The following DTWD2 variants were observed in gnomAD, a reference collection of about 807,000 sequenced individuals.
DTWD2 encodes tRNA-uridine aminocarboxypropyltransferase 2.
Under a neutral mutation model 31.8 loss-of-function variants are expected in DTWD2, and 39 were observed. The ratio of observed to expected loss-of-function variants is 1.22; its 90% CI spans 0.95 to 1.60. DTWD2 has a LOEUF of 1.60. Among genes scored for constraint, DTWD2 ranks in the 40% most tolerant of loss-of-function variants. The pLI is 0.00. For missense variants in DTWD2, 515 were observed against 381.5 expected (o/e 1.35, Z -2.92); for synonymous variants, 180 against 142.8 (o/e 1.26, Z -1.86).
At chr5:118,942,810 GT>G (rs567819155) in intron 2 of DTWD2, among the ~76,000 whole-genome samples, 5 of 148,418 alleles carry the variant, frequency 3.4e-5, no homozygotes, top group East Asian at 3.9e-4. Flanking sequence ...GGTGTGGGTT[GT>G]TTTTTTTTTA....
intron 1 of DTWD2, among the ~76,000 whole-genome samples, chr5:118,957,013 C>A (rs1754602013): frequency 1.3e-5 from 2 of 151,922 alleles, no homozygotes; most frequent in Non-Finnish European, 2.9e-5. Context: ...TCCAACATAA[C>A]CAATAAAAGT....
At chr5:118,974,106 A>C in intron 1 of DTWD2, 1 of 1,592,814 alleles carries the variant, frequency 6.3e-7, no homozygotes, top group Non-Finnish European at 8.6e-7. Flanking sequence ...AAGAAGCAGA[A>C]GACCGACGAG....
chr5:118,874,991 A>T (rs1335528815), intron 4 of DTWD2, among the ~76,000 whole-genome samples: 1 of 152,182 alleles, frequency 6.6e-6, no homozygotes, highest in South Asian at 2.1e-4. Context: ...TACAAAGAGA[A>T]ACCCATCAGA....
At chr5:118,952,427 A>G (rs890577461) in intron 1 of DTWD2, among the ~76,000 whole-genome samples, 11 of 152,102 alleles carry the variant, frequency 7.2e-5, no homozygotes, top group African/African-American at 2.7e-4. Context: ...GGAGTTGGGT[A>G]GGTAGTGGAA....
chr5:118,906,291 G>C (rs1333672646), intron 4 of DTWD2, among the ~76,000 whole-genome samples: 1 of 152,120 alleles, frequency 6.6e-6, no homozygotes, highest in Non-Finnish European at 1.5e-5. Flanking sequence ...AAACAGTTTG[G>C]TTTGTTAAAG....
At chr5:118,885,997 AC>A (rs1229473056) in intron 4 of DTWD2, among the ~76,000 whole-genome samples, 1 of 152,052 alleles carries the variant, frequency 6.6e-6, no homozygotes, top group Non-Finnish European at 1.5e-5. Context: ...ACACAAAAAA[AC>A]TTTCCTAATC....
At chr5:118,885,767 TA>T (rs985666941) in intron 4 of DTWD2, among the ~76,000 whole-genome samples, 60 of 144,866 alleles carry the variant, frequency 4.1e-4, no homozygotes, top group East Asian at 7.9e-4. Context: ...ACTCTGTATT[TA>T]AAAAAAAAAA....
chr5:118,850,546 C>T (rs539924206), intron 4 of DTWD2, among the ~76,000 whole-genome samples: 3 of 143,374 alleles, frequency 2.1e-5, no homozygotes, highest in South Asian at 2.2e-4. Flanking sequence ...AAATGTAAGG[C>T]CAAGGACTAT....
chr5:118,978,592 G>A (rs556634904), intron 1 of DTWD2, among the ~76,000 whole-genome samples: 1 of 152,144 alleles, frequency 6.6e-6, no homozygotes, highest in Non-Finnish European at 1.5e-5. Context: ...CTTCTCAAAA[G>A]AAGACATTCA....
intron 1 of DTWD2, among the ~76,000 whole-genome samples, chr5:118,981,958 G>A (rs1300175819): frequency 6.6e-6 from 1 of 152,098 alleles, no homozygotes; most frequent in Non-Finnish European, 1.5e-5. Flanking sequence ...ATGTGGTGTA[G>A]CAATAATTCA....
At chr5:118,963,230 T>C (rs909680149) in intron 1 of DTWD2, among the ~76,000 whole-genome samples, 1 of 152,210 alleles carries the variant, frequency 6.6e-6, no homozygotes, top group Non-Finnish European at 1.5e-5. Flanking sequence ...GAAGAAACTA[T>C]TCAAACTTGG....
At chr5:118,915,152 G>C (rs1322620091) in intron 4 of DTWD2, among the ~76,000 whole-genome samples, 1 of 151,948 alleles carries the variant, frequency 6.6e-6, no homozygotes, top group African/African-American at 2.4e-5. Context: ...AGGAGGCAGG[G>C]GTTGCAGTGA....
intron 2 of DTWD2, among the ~76,000 whole-genome samples, chr5:118,943,996 T>C (rs991529853): frequency 7.9e-5 from 12 of 152,254 alleles, no homozygotes; most frequent in Admixed American, 7.2e-4. Flanking sequence ...CTCTTCATTA[T>C]GCAGCTAATC....
intron 1 of DTWD2, among the ~76,000 whole-genome samples, chr5:118,965,474 G>A (rs971198566): frequency 4.6e-5 from 7 of 152,170 alleles, no homozygotes; most frequent in East Asian, 3.9e-4. Flanking sequence ...CGGTTTTGTC[G>A]AATACAAAAG....
At chr5:118,883,371 C>T (rs538453533) in intron 4 of DTWD2, among the ~76,000 whole-genome samples, 2 of 152,300 alleles carry the variant, frequency 1.3e-5, no homozygotes, top group East Asian at 1.9e-4. Context: ...TTTTTCTGAG[C>T]CCTCCAAACT....
At chr5:118,943,289 C>T (rs572206036) in intron 2 of DTWD2, among the ~76,000 whole-genome samples, 5 of 152,166 alleles carry the variant, frequency 3.3e-5, no homozygotes, top group Admixed American at 6.5e-5. Context: ...CGGTGGCTCA[C>T]GCCTGTAATC....
At chr5:118,930,663 A>T (rs962151408) in intron 3 of DTWD2, among the ~76,000 whole-genome samples, 1 of 152,256 alleles carries the variant, frequency 6.6e-6, no homozygotes, top group African/African-American at 2.4e-5. Flanking sequence ...CACAAAAAGA[A>T]ATTAAGTACT....
chr5:118,865,402 C>T lies in DTWD2; in HGVS notation c.598-17184G>A, dbSNP rs73236949. Among the ~76,000 whole-genome samples, 1,143 of 151,808 alleles carry T rather than the reference C, an allele frequency of 7.5e-3. 14 individuals carry two copies. Among genetic ancestry groups the T allele is most frequent in the African/African-American group, 0.026 (1,084 of 41,380 alleles). On this transcript the variant is annotated intron_variant, in intron 4 of 5. Coordinates refer to ENST00000510708, the MANE Select transcript of DTWD2 (RefSeq NM_173666.4). ...TTCTATCTTTACTTTCCCTTCAGTTCGTTCCTAAATATACTATATACCAAA... is the reference window on the plus strand; with the variant it reads ...TTCTATCTTTACTTTCCCTTCAGTTTGTTCCTAAATATACTATATACCAAA...
chr5:118,953,304 T>C (rs1754506779), intron 1 of DTWD2, among the ~76,000 whole-genome samples: 1 of 152,226 alleles, frequency 6.6e-6, no homozygotes, highest in Non-Finnish European at 1.5e-5. Context: ...TTCATTCGTA[T>C]CTACATCCTG....
Sources: gnomAD v4.1 joint callset for allele counts (sites outside exome capture counted in the v4.1 genomes callset) on GRCh38, gnomAD v4.1.1 for gene constraint, MANE v1.5 for transcripts, NCBI Gene and HGNC (gene_info 2026-07-23, HGNC 2026-07-21) for gene names.